DTNA: variants seen among roughly 807,000 people sequenced by gnomAD.
DTNA encodes the protein dystrobrevin alpha.
In DTNA, 43 loss-of-function variants were observed where a neutral mutation model predicts 100.7. The observed-to-expected ratio is 0.43, with a 90% CI of 0.33 to 0.55. The LOEUF is 0.55. Among genes scored for constraint, DTNA ranks in the 20% least tolerant of loss-of-function variants. The probability of loss-of-function intolerance (pLI) is 0.04; values close to 1 mark genes in which losing one functional copy is unlikely to be tolerated. For missense variants in DTNA, 798 were observed against 953.9 expected (o/e 0.84, Z 2.15); for synonymous variants, 349 against 347.9 (o/e 1.00, Z -0.04).
At chr18:34,544,573 C>T (rs1967583) in intron 1 of DTNA, among the ~76,000 whole-genome samples, 135,787 of 152,170 alleles carry the variant, frequency 0.89, 60,933 homozygotes, top group African/African-American at 0.97. Context: ...CTTTAGTTGA[C>T]ATAACAATTT....
At chr18:34,745,485 C>T (rs1458962801) in intron 1 of DTNA, among the ~76,000 whole-genome samples, 1 of 152,184 alleles carries the variant, frequency 6.6e-6, no homozygotes, top group Non-Finnish European at 1.5e-5. Context: ...ATTCTTTAAG[C>T]ACCAAGAGTC....
intron 4 of DTNA, among the ~76,000 whole-genome samples, chr18:34,805,210 T>G (rs9949225): frequency 0.015 from 2,338 of 152,338 alleles, 60 homozygotes; most frequent in African/African-American, 0.053. Flanking sequence ...CATTATACTT[T>G]TTATCATATC....
chr18:34,839,163 G>A (rs1413497818), intron 13 of DTNA, among the ~76,000 whole-genome samples: 2 of 152,176 alleles, frequency 1.3e-5, no homozygotes, highest in Non-Finnish European at 2.9e-5. Context: ...ATTACCACAG[G>A]ATGGTGATAA....
At chr18:34,595,067 G>A (rs771424916) in intron 1 of DTNA, among the ~76,000 whole-genome samples, 1 of 151,200 alleles carries the variant, frequency 6.6e-6, no homozygotes, top group Non-Finnish European at 1.5e-5. Context: ...GCAAGCAATT[G>A]CAATTAATTT....
chr18:34,691,495 A>C (rs958064014), intron 1 of DTNA, among the ~76,000 whole-genome samples: 19 of 152,316 alleles, frequency 1.2e-4, no homozygotes, highest in African/African-American at 4.3e-4. Context: ...GATGCATTGC[A>C]TGTGTGAAAC....
At chr18:34,820,677 C>A in intron 8 of DTNA, 114 bp from the exon 9 acceptor site, 2 of 1,515,078 alleles carry the variant, frequency 1.3e-6, no homozygotes, top group Non-Finnish European at 1.8e-6. Flanking sequence ...TCAGAATCAG[C>A]ACTGAAAAAG....
intron 1 of DTNA, among the ~76,000 whole-genome samples, chr18:34,514,998 G>A (rs537489127): frequency 1.3e-5 from 2 of 152,102 alleles, no homozygotes; most frequent in East Asian, 3.9e-4. Context: ...TGTTGGGAGG[G>A]TAGACTGAGT....
chr18:34,827,583 T>C lies in DTNA; in HGVS notation c.1002-10T>C. The C allele has an allele frequency of 6.2e-7, 1 of 1,613,742 alleles. No homozygotes were observed. Among genetic ancestry groups the C allele is most frequent in the Non-Finnish European group, 8.5e-7 (1 of 1,179,676 alleles). On this transcript the variant is annotated splice_polypyrimidine_tract_variant and intron_variant, in intron 9 of 22. Coordinates refer to ENST00000444659, the MANE Select transcript of DTNA (RefSeq NM_001386795.1). Reference sequence around the variant, plus strand: ...TTTTAACTTTCCATTCACCCTGTGTTTTGTTTTAGGCCTCCCAGACCTGTA... The same window carrying C: ...TTTTAACTTTCCATTCACCCTGTGTCTTGTTTTAGGCCTCCCAGACCTGTA...
At chr18:34,884,145 A>G (rs1158627477) in intron 21 of DTNA, among the ~76,000 whole-genome samples, 1 of 152,002 alleles carries the variant, frequency 6.6e-6, no homozygotes, top group Non-Finnish European at 1.5e-5. Flanking sequence ...TAAATAACCA[A>G]TGTTCTGGTT....
intron 1 of DTNA, among the ~76,000 whole-genome samples, chr18:34,593,068 G>A (rs1159720113): frequency 6.6e-6 from 1 of 152,148 alleles, no homozygotes; most frequent in Non-Finnish European, 1.5e-5. Flanking sequence ...GGAGGGGATG[G>A]CAGGGGAAGC....
At chr18:34,543,084 C>G (rs951231370) in intron 1 of DTNA, among the ~76,000 whole-genome samples, 5 of 151,892 alleles carry the variant, frequency 3.3e-5, no homozygotes, top group African/African-American at 1.2e-4. Context: ...TGGTTCTGTA[C>G]TATTCAGTCT....
chr18:34,537,221 A>G (rs1221716196), intron 1 of DTNA, among the ~76,000 whole-genome samples: 3 of 151,976 alleles, frequency 2.0e-5, no homozygotes, highest in Non-Finnish European at 4.4e-5. Context: ...ACATCCTACT[A>G]AAGTTACTGT....
chr18:34,788,394 G>A (rs925385585), intron 3 of DTNA, among the ~76,000 whole-genome samples: 2 of 152,202 alleles, frequency 1.3e-5, no homozygotes, highest in Admixed American at 6.5e-5. Flanking sequence ...TATGTGGAGT[G>A]CTTTATGTGA....
chr18:34,640,509 A>C (rs16965707), intron 1 of DTNA, among the ~76,000 whole-genome samples: 11,240 of 152,312 alleles, frequency 0.074, 1,282 homozygotes, highest in African/African-American at 0.25. Context: ...AAGGACCTCC[A>C]GTGCCAATCA....
chr18:34,776,318 A>G (rs991632069), intron 3 of DTNA, among the ~76,000 whole-genome samples: 4 of 152,142 alleles, frequency 2.6e-5, no homozygotes, highest in Non-Finnish European at 5.9e-5. Flanking sequence ...CGGAGAAGCC[A>G]CACAGGGAAA....
chr18:34,563,947 C>G (rs780107700), intron 1 of DTNA, among the ~76,000 whole-genome samples: 1 of 151,472 alleles, frequency 6.6e-6, no homozygotes, highest in African/African-American at 2.4e-5. Context: ...ATATCCATCA[C>G]CTCACACAGT....
At chr18:34,872,396 C>T (rs1407386678) in intron 17 of DTNA, among the ~76,000 whole-genome samples, 1 of 152,142 alleles carries the variant, frequency 6.6e-6, no homozygotes, top group Non-Finnish European at 1.5e-5. Context: ...ACTACAGCCC[C>T]AGAACAGACA....
intron 1 of DTNA, among the ~76,000 whole-genome samples, chr18:34,496,933 G>A (rs1251370727): frequency 2.0e-5 from 3 of 152,104 alleles, no homozygotes; most frequent in African/African-American, 7.2e-5. Context: ...AGTTACTTCT[G>A]TATTCACCAG....
chr18:34,494,270 G>T (rs2038922142), intron 1 of DTNA, among the ~76,000 whole-genome samples: 1 of 151,712 alleles, frequency 6.6e-6, no homozygotes, highest in South Asian at 2.1e-4. Flanking sequence ...ATCCGCGTTG[G>T]GTTCCTTTGC....
Sources: allele counts gnomAD v4.1 joint callset (sites outside exome capture counted in the v4.1 genomes callset), GRCh38; gene constraint gnomAD v4.1.1; transcripts MANE v1.5; gene names NCBI Gene and HGNC (gene_info 2026-07-23, HGNC 2026-07-21).